The following CCDC30 variants were observed in gnomAD, a reference collection of about 807,000 sequenced individuals.
The protein encoded by CCDC30 is coiled-coil domain-containing protein 30.
CCDC30 carries 70 observed loss-of-function variants against 100.2 expected under a neutral mutation model. The ratio of observed to expected loss-of-function variants is 0.70; its 90% CI spans 0.58 to 0.85. The LOEUF is 0.85. Ranked by LOEUF, CCDC30 falls within the 40% of genes least tolerant of loss-of-function variation. The pLI is 0.00. For synonymous variants in CCDC30, 233 were observed against 269.5 expected (o/e 0.86, Z 1.33); for missense variants, 652 against 771.2 (o/e 0.85, Z 1.83).
intron 1 of CCDC30, among the ~76,000 whole-genome samples, chr1:42,477,043 G>T (rs1643891013): frequency 1.3e-5 from 2 of 149,672 alleles, no homozygotes; most frequent in African/African-American, 4.9e-5. Context: ...ATTTTTGTTT[G>T]TATAATGGTT....
At chr1:42,553,710 T>G (rs1645307359) in intron 6 of CCDC30, among the ~76,000 whole-genome samples, 1 of 150,698 alleles carries the variant, frequency 6.6e-6, no homozygotes, top group African/African-American at 2.4e-5. Context: ...ATTTGCATTT[T>G]CCCAGTCTTA....
chr1:42,572,446 CTG>C (rs893354374), intron 7 of CCDC30, among the ~76,000 whole-genome samples: 2 of 152,084 alleles, frequency 1.3e-5, no homozygotes, highest in African/African-American at 2.4e-5. Flanking sequence ...AACATCGACT[CTG>C]TGGCTTGCAT....
intron 6 of CCDC30, among the ~76,000 whole-genome samples, chr1:42,555,433 G>A (rs1570041994): frequency 6.6e-6 from 1 of 152,142 alleles, no homozygotes; most frequent in African/African-American, 2.4e-5. Flanking sequence ...TAAATTGTAA[G>A]CTCATTTCTT....
intron 6 of CCDC30, among the ~76,000 whole-genome samples, chr1:42,554,761 G>A (rs1452767746): frequency 6.6e-6 from 1 of 152,096 alleles, no homozygotes; most frequent in African/African-American, 2.4e-5. Context: ...ACCATTGAAG[G>A]TGCATTCCCT....
chr1:42,652,712 C>G (rs1476672360), intron 15 of CCDC30, among the ~76,000 whole-genome samples: 1 of 152,056 alleles, frequency 6.6e-6, no homozygotes, highest in Non-Finnish European at 1.5e-5. Context: ...AAGACATAAA[C>G]TATTGATACT....
At chr1:42,577,535 C>T (rs892549609) in intron 8 of CCDC30, among the ~76,000 whole-genome samples, 2 of 152,102 alleles carry the variant, frequency 1.3e-5, no homozygotes, top group Admixed American at 1.3e-4. Context: ...GGCGTATTCT[C>T]TCATTTGGAT....
intron 6 of CCDC30, among the ~76,000 whole-genome samples, chr1:42,505,709 T>C (rs1034243677): frequency 1.2e-4 from 19 of 152,242 alleles, no homozygotes; most frequent in Non-Finnish European, 2.9e-5. Flanking sequence ...TTTTTATCCT[T>C]AAATACCTGT....
chr1:42,509,195 C>G (rs1036601889), intron 6 of CCDC30, among the ~76,000 whole-genome samples: 3 of 152,184 alleles, frequency 2.0e-5, no homozygotes, highest in Admixed American at 6.5e-5. Flanking sequence ...CAAAGCTGCC[C>G]TTCCCCATCC....
intron 10 of CCDC30, among the ~76,000 whole-genome samples, chr1:42,600,295 G>T (rs1042218802): frequency 6.6e-6 from 1 of 152,190 alleles, no homozygotes; most frequent in African/African-American, 2.4e-5. Context: ...CAAAATATGT[G>T]AGGCAAAAAT....
At chr1:42,621,586 A>G (rs1000882920) in intron 11 of CCDC30, among the ~76,000 whole-genome samples, 2 of 151,868 alleles carry the variant, frequency 1.3e-5, no homozygotes, top group Non-Finnish European at 2.9e-5. Context: ...ATCTCTGCTC[A>G]CTGCAAGCTC....
chr1:42,571,921 A>C (rs1313807715), intron 7 of CCDC30, among the ~76,000 whole-genome samples: 1 of 152,222 alleles, frequency 6.6e-6, no homozygotes, highest in African/African-American at 2.4e-5. Context: ...AGATATGTTC[A>C]GTCAATGAAT....
At chr1:42,610,142 A>G (rs1478119176) in intron 10 of CCDC30, among the ~76,000 whole-genome samples, 2 of 152,184 alleles carry the variant, frequency 1.3e-5, no homozygotes, top group Non-Finnish European at 2.9e-5. Flanking sequence ...CCTCAATTCC[A>G]TTATAACATT....
chr1:42,539,707 A>T (rs1644975313), intron 6 of CCDC30, among the ~76,000 whole-genome samples: 1 of 152,196 alleles, frequency 6.6e-6, no homozygotes, highest in Non-Finnish European at 1.5e-5. Context: ...TTAGGACCAA[A>T]GCGTCTTTCT....
chr1:42,536,035 A>G (rs1644898363), intron 6 of CCDC30, among the ~76,000 whole-genome samples: 1 of 151,740 alleles, frequency 6.6e-6, no homozygotes, highest in Non-Finnish European at 1.5e-5. Context: ...AATAATTCCA[A>G]TCTCATAGGG....
chr1:42,609,688 T>A (rs1377430218), intron 10 of CCDC30, among the ~76,000 whole-genome samples: 2 of 152,118 alleles, frequency 1.3e-5, no homozygotes, highest in African/African-American at 4.8e-5. Context: ...TTGGAGACAA[T>A]GAGAAGTGGT....
At chr1:42,577,356 C>T (rs1264753144) in intron 8 of CCDC30, 127 bp downstream of exon 12, 8 of 683,942 alleles carry the variant, frequency 1.2e-5, no homozygotes, top group Non-Finnish European at 1.9e-5. Context: ...TTTTCTCTCC[C>T]ATGTTTTCTT....
Position 42,547,644 on chromosome 1 carries a change from T to A in CCDC30, c.457-18652T>A, listed in dbSNP as rs920543827. 7.9e-5 allele frequency among the ~76,000 whole-genome samples: 12 copies of A among 152,300 alleles called. No individual in the cohort carries two copies. In the South Asian group the frequency reaches 1.7e-3, roughly 21 times the overall value. Reference sequence around the variant, plus strand: ...AGGACTTGGTCCAATCTGCTTCCCATAACTGGGACTCTGAAAAGTCTAGGT... The same window carrying A: ...AGGACTTGGTCCAATCTGCTTCCCAAAACTGGGACTCTGAAAAGTCTAGGT... On this transcript the variant is annotated intron_variant, in intron 6 of 16. Coordinates refer to ENST00000668663, the Ensembl canonical transcript of CCDC30.
chr1:42,655,883 T>C (rs1272605236), downstream of CCDC30, among the ~76,000 whole-genome samples: 1 of 148,160 alleles, frequency 6.7e-6, no homozygotes, highest in East Asian at 1.9e-4. Context: ...TTTTTTTTTT[T>C]TTTTTTTTGA....
At position 42,634,288 on chromosome 1, in the gene CCDC30, C is replaced by G. The variant is rs1286144858; in HGVS notation, c.1278-2949C>G. 1.5e-4 allele frequency among the ~76,000 whole-genome samples: 22 copies of G among 151,154 alleles called. 1 individual carries two copies. The highest frequency in any genetic ancestry group is 1.4e-3 in the Admixed American group (21 of 15,166). ...AAAAAAAAAAAACAAAACATTACAG[C>G]CTTCCAGGGCAAAGGGACATTTGGC... On this transcript the variant is annotated intron_variant, in intron 11 of 16. Transcript: ENST00000668663.
Sources: gnomAD v4.1 joint callset for allele counts (sites outside exome capture counted in the v4.1 genomes callset) on GRCh38, gnomAD v4.1.1 for gene constraint, MANE v1.5 for transcripts, NCBI Gene and HGNC (gene_info 2026-07-23, HGNC 2026-07-21) for gene names.